Variants in RORB observed in about 807,000 individuals in gnomAD.
The protein encoded by RORB is RAR related orphan receptor B, also known as nuclear receptor ROR-beta.
Under a neutral mutation model 59.1 loss-of-function variants are expected in RORB, and 6 were observed. The observed-to-expected ratio is 0.10, with a 90% confidence interval of 0.06 to 0.20. The LOEUF is 0.20. Among genes scored for constraint, RORB ranks in the 10% least tolerant of loss-of-function variants. The pLI is 1.00. For synonymous variants in RORB, 215 were observed against 204.5 expected (o/e 1.05, Z -0.44); for missense variants, 320 against 560.5 (o/e 0.57, Z 4.33).
chr9:74,673,041 C>T (rs1052302165), intron 9 of RORB, among the ~76,000 whole-genome samples: 4 of 152,194 alleles, frequency 2.6e-5, no homozygotes, highest in East Asian at 1.9e-4. Flanking sequence ...TTAAAATTAA[C>T]GCATCACTAG....
chr9:74,499,446 G>A (rs1825774269), intron 1 of RORB, among the ~76,000 whole-genome samples: 1 of 152,190 alleles, frequency 6.6e-6, no homozygotes, highest in Non-Finnish European at 1.5e-5. Flanking sequence ...TGTCAGGAAA[G>A]GGAAGGAGAA....
chr9:74,684,934 A>G (rs141055854), intron 9 of RORB, among the ~76,000 whole-genome samples: 1 of 152,198 alleles, frequency 6.6e-6, no homozygotes, highest in African/African-American at 2.4e-5. Context: ...ACAAAAATCT[A>G]TGGGAAATTA....
chr9:74,583,163 C>G (rs981433780), intron 1 of RORB, among the ~76,000 whole-genome samples: 1 of 152,142 alleles, frequency 6.6e-6, no homozygotes, highest in Non-Finnish European at 1.5e-5. Flanking sequence ...CTGACACAAA[C>G]CTACTTTTTA....
At chr9:74,624,866 A>G (rs900684231) in intron 1 of RORB, among the ~76,000 whole-genome samples, 3 of 152,212 alleles carry the variant, frequency 2.0e-5, no homozygotes, top group African/African-American at 7.2e-5. Context: ...ATTGTGCTTT[A>G]CTCAGACATT....
chr9:74,579,150 T>C (rs1001836255), intron 1 of RORB, among the ~76,000 whole-genome samples: 10 of 152,256 alleles, frequency 6.6e-5, no homozygotes, highest in Admixed American at 5.2e-4. Flanking sequence ...ACAATTTATA[T>C]TTAGTAAATA....
Position 74,529,771 on chromosome 9 carries a change from C to T in RORB, c.7+31788C>T, listed in dbSNP as rs570244681. Among the ~76,000 whole-genome samples, 30 of 151,752 alleles carry T rather than the reference C, an allele frequency of 2.0e-4. No homozygotes were observed. The South Asian group carries it at 6.2e-3, about 31-fold the overall frequency. ...TACCTAGGGAAATGAAAACTAGCTC[C>T]CTGGTTTCTGTCCTAAATTATAGAT... On this transcript the variant is annotated intron_variant, in intron 1 of 9. Coordinates refer to ENST00000376896, the MANE Select transcript of RORB (RefSeq NM_006914.4).
Position 74,600,632 on chromosome 9 carries a change from AG to A in RORB, c.8-29649del, listed in dbSNP as rs577539060. ...TAGGGTCTCATGCTAGATTTGGTAT[AG>A]TTTTCTTACTGAGATAGACTCAGAT... On this transcript the variant is annotated intron_variant, in intron 1 of 9. Coordinates refer to ENST00000376896, the MANE Select transcript of RORB (RefSeq NM_006914.4). Among the ~76,000 whole-genome samples, 253 of 152,334 alleles carry A rather than the reference AG, an allele frequency of 1.7e-3. 2 individuals are homozygous for A. Among genetic ancestry groups the A allele is most frequent in the African/African-American group, 5.4e-3 (223 of 41,566 alleles).
At chr9:74,544,594 A>G (rs1338526077) in intron 1 of RORB, among the ~76,000 whole-genome samples, 1 of 152,032 alleles carries the variant, frequency 6.6e-6, no homozygotes, top group Admixed American at 6.6e-5. Context: ...CTCCCTCCAA[A>G]CGCAGCCTTA....
At chr9:74,654,534 C>T (rs1824049679) in intron 4 of RORB, among the ~76,000 whole-genome samples, 1 of 152,166 alleles carries the variant, frequency 6.6e-6, no homozygotes, top group Non-Finnish European at 1.5e-5. Context: ...TAATTTCTCT[C>T]TTCTTATTGC....
intron 1 of RORB, among the ~76,000 whole-genome samples, chr9:74,590,794 G>GTTTTA (rs931704678): frequency 1.3e-5 from 2 of 151,844 alleles, no homozygotes; most frequent in African/African-American, 4.8e-5. Flanking sequence ...GTTTTGTTTT[G>GTTTTA]TTTTATTTTG....
At chr9:74,601,221 A>G (rs1823049335) in intron 1 of RORB, among the ~76,000 whole-genome samples, 1 of 151,998 alleles carries the variant, frequency 6.6e-6, no homozygotes, top group African/African-American at 2.4e-5. Context: ...GCTTAGAAAC[A>G]ACTTAAACAT....
At chr9:74,640,634 T>C (rs1823788137) in intron 3 of RORB, among the ~76,000 whole-genome samples, 1 of 152,164 alleles carries the variant, frequency 6.6e-6, no homozygotes, top group Non-Finnish European at 1.5e-5. Flanking sequence ...AGAGTTTGGC[T>C]TCTTCAAACC....
intron 1 of RORB, among the ~76,000 whole-genome samples, chr9:74,518,192 G>A (rs1048666848): frequency 3.3e-5 from 5 of 152,004 alleles, no homozygotes; most frequent in African/African-American, 7.2e-5. Context: ...TAAGTGAGTG[G>A]TCTAGGGAAA....
chr9:74,652,930 G>A (rs1045926715), intron 4 of RORB, among the ~76,000 whole-genome samples: 2 of 152,152 alleles, frequency 1.3e-5, no homozygotes, highest in Non-Finnish European at 2.9e-5. Context: ...ACTGTTTTAA[G>A]CTTAAATATA....
At chr9:74,592,707 G>A (rs1264872049) in intron 1 of RORB, among the ~76,000 whole-genome samples, 1 of 151,982 alleles carries the variant, frequency 6.6e-6, no homozygotes, top group Non-Finnish European at 1.5e-5. Context: ...CAAAATTTGG[G>A]CCATTGTAAA....
chr9:74,592,971 T>A (rs539954251), intron 1 of RORB, among the ~76,000 whole-genome samples: 1 of 152,264 alleles, frequency 6.6e-6, no homozygotes, highest in East Asian at 1.9e-4. Context: ...GTCTTCCTTG[T>A]ATCCATAGAC....
rs1403274428 is a variant in RORB, at chr9:74,692,081, C to G, written c.*6463C>G. ...TTCTGATGAACAAGATATTTTTGTACACATTTATTTCTTGTTAATAACCTG... is the reference window on the plus strand; with the variant it reads ...TTCTGATGAACAAGATATTTTTGTAGACATTTATTTCTTGTTAATAACCTG... On this transcript the variant is annotated 3_prime_UTR_variant, in exon 10 of 10. Transcript: ENST00000376896. 1 of 152,146 alleles carries G rather than the reference C, an allele frequency of 6.6e-6. No individual in the cohort carries two copies. The highest frequency in any genetic ancestry group is 1.5e-5 in the Non-Finnish European group (1 of 68,036). The allele number at this position is 152,146 out of a possible 1,614,324, so 9.4% of individuals were successfully genotyped here.
intron 1 of RORB, among the ~76,000 whole-genome samples, chr9:74,613,414 C>A (rs372382338): frequency 2.0e-5 from 3 of 152,144 alleles, no homozygotes; most frequent in East Asian, 1.9e-4. Context: ...GGTTCCCAGA[C>A]CCCTCCTCAG....
Position 74,662,080 on chromosome 9 carries a change from C to T in RORB, c.760-394C>T, listed in dbSNP as rs182773077. Among the ~76,000 whole-genome samples, 14 of 152,228 alleles carry T rather than the reference C, an allele frequency of 9.2e-5. No homozygotes were observed. The East Asian group carries it at 2.7e-3, about 29-fold the overall frequency. On this transcript the variant is annotated intron_variant, in intron 5 of 9. Coordinates refer to ENST00000376896, the MANE Select transcript of RORB (RefSeq NM_006914.4). ...GGAAGCCTGTGAATGAAATCACTATCCCTCAATGCAAAGCTTTGTTTTTTA... is the reference window on the plus strand; with the variant it reads ...GGAAGCCTGTGAATGAAATCACTATTCCTCAATGCAAAGCTTTGTTTTTTA...
Sources: gnomAD v4.1 joint callset for allele counts (sites outside exome capture counted in the v4.1 genomes callset) on GRCh38, gnomAD v4.1.1 for gene constraint, MANE v1.5 for transcripts, NCBI Gene and HGNC (gene_info 2026-07-23, HGNC 2026-07-21) for gene names.